SCAPER: variants seen among roughly 807,000 people sequenced by gnomAD.
The protein encoded by SCAPER is S-phase cyclin A associated protein in the ER.
A neutral mutation model predicts 182.2 loss-of-function variants in SCAPER; 98 were observed. The ratio of observed to expected loss-of-function variants is 0.54; its 90% CI spans 0.46 to 0.64. The LOEUF is 0.64. Among genes scored for constraint, SCAPER ranks in the 30% least tolerant of loss-of-function variants. The pLI, the probability that SCAPER is intolerant of heterozygous loss-of-function variation, is 0.00. For synonymous variants in SCAPER, 605 were observed against 564.6 expected, an observed-to-expected ratio of 1.07 and a Z score of -1.01; for missense variants, 1,432 against 1,690.0, an observed-to-expected ratio of 0.85 and a Z score of 2.68.
chr15:76,724,933 G>C (rs1425318246), intron 17 of SCAPER, among the ~76,000 whole-genome samples: 2 of 152,052 alleles, frequency 1.3e-5, no homozygotes, highest in African/African-American at 4.8e-5. Context: ...ACGCGTCAAA[G>C]TCATTCTCCG....
chr15:76,736,470 T>C (rs1285150715), intron 15 of SCAPER, among the ~76,000 whole-genome samples: 2 of 152,202 alleles, frequency 1.3e-5, no homozygotes, highest in Non-Finnish European at 2.9e-5. Flanking sequence ...CATAGTAGAG[T>C]TTCTTTCAAA....
At chr15:76,844,145 C>G (rs1198118938) in intron 4 of SCAPER, among the ~76,000 whole-genome samples, 2 of 151,872 alleles carry the variant, frequency 1.3e-5, no homozygotes, top group Admixed American at 1.3e-4. Flanking sequence ...CTATGTCTAA[C>G]TGCTTCCCAA....
At chr15:76,664,558 T>C (rs971294449) in intron 21 of SCAPER, among the ~76,000 whole-genome samples, 1 of 152,068 alleles carries the variant, frequency 6.6e-6, no homozygotes, top group Non-Finnish European at 1.5e-5. Context: ...ATAAAATTGG[T>C]AGTCATTGGC....
chr15:76,883,302 TAAG>T (rs1199279543), intron 2 of SCAPER, among the ~76,000 whole-genome samples: 1 of 152,196 alleles, frequency 6.6e-6, no homozygotes, highest in Non-Finnish European at 1.5e-5. Flanking sequence ...TTGAGTAGTT[TAAG>T]AAGATGTTTG....
intron 22 of SCAPER, among the ~76,000 whole-genome samples, chr15:76,583,238 C>G (rs2048386626): frequency 6.6e-6 from 1 of 151,734 alleles, no homozygotes; most frequent in African/African-American, 2.4e-5. Context: ...CTAGTCCCAG[C>G]TACTCGGGAG....
intron 23 of SCAPER, among the ~76,000 whole-genome samples, chr15:76,550,020 C>A (rs1450378171): frequency 6.6e-6 from 1 of 151,926 alleles, no homozygotes; most frequent in African/African-American, 2.4e-5. Context: ...AAGTGGCAAC[C>A]TAGAGAATGA....
intron 22 of SCAPER, among the ~76,000 whole-genome samples, chr15:76,578,517 C>T (rs1431432754): frequency 6.6e-6 from 1 of 152,168 alleles, no homozygotes; most frequent in African/African-American, 2.4e-5. Flanking sequence ...GAGAGAGAGA[C>T]TCCATTTGTT....
intron 25 of SCAPER, among the ~76,000 whole-genome samples, chr15:76,469,969 C>A (rs937042333): frequency 1.3e-5 from 2 of 151,838 alleles, no homozygotes; most frequent in African/African-American, 4.8e-5. Flanking sequence ...TATAATGTAG[C>A]CTTTGATGAC....
chr15:76,434,139 C>T lies in SCAPER; in HGVS notation c.3250G>A (p.Glu1084Lys), dbSNP rs2047039705. The T allele has an allele frequency of 6.2e-7, 1 of 1,613,932 alleles. No individual in the cohort carries two copies. The highest frequency in any genetic ancestry group is 8.5e-7 in the Non-Finnish European group (1 of 1,179,868). ...QPATPKIPTQ[E>K]MKNKPSQGDP... ...CCTTGTGAGGGTTTGTTTTTCATTT[C>T]CTGTGTTGGTATTTTTGGGGTAGCT... is the stretch of plus-strand genomic sequence containing the variant. Residue 1084 changes from glutamate to lysine, a missense_variant, in exon 26 of 32, where the codon GAA (glutamate) becomes AAA (lysine). Glu to Lys is a moderately conservative substitution (Grantham distance 56). Transcript: ENST00000563290.
At chr15:76,414,772 C>G (rs1001256949) in intron 26 of SCAPER, among the ~76,000 whole-genome samples, 1 of 152,114 alleles carries the variant, frequency 6.6e-6, no homozygotes, top group African/African-American at 2.4e-5. Flanking sequence ...TAAATGGAGA[C>G]AGATCCATAG....
intron 25 of SCAPER, among the ~76,000 whole-genome samples, chr15:76,463,355 C>G (rs2049340986): frequency 6.6e-6 from 1 of 151,906 alleles, no homozygotes; most frequent in African/African-American, 2.4e-5. Context: ...CAACAGGCAC[C>G]TGGATGGCTC....
intron 1 of SCAPER, among the ~76,000 whole-genome samples, chr15:76,890,871 A>G (rs957261918): frequency 7.2e-5 from 11 of 152,228 alleles, no homozygotes; most frequent in Non-Finnish European, 1.0e-4. Context: ...ACAAAAAAAG[A>G]GAATTTTAGA....
Position 76,717,473 on chromosome 15 carries a change from A to G in SCAPER, c.2165+11122T>C, listed in dbSNP as rs983252681. On this transcript the variant is annotated intron_variant, in intron 17 of 31. Coordinates refer to ENST00000563290, the MANE Select transcript of SCAPER (RefSeq NM_020843.4). ...ATAGTCAAAAACAACAAAAGTTACAATAAGTTTTTAAGGAATACATAATAT... is the reference window on the plus strand; with the variant it reads ...ATAGTCAAAAACAACAAAAGTTACAGTAAGTTTTTAAGGAATACATAATAT... Among the ~76,000 whole-genome samples, 12 of 152,284 alleles carry G rather than the reference A, an allele frequency of 7.9e-5. 1 individual carries two copies. In the East Asian group the frequency reaches 1.5e-3, roughly 20 times the overall value.
rs866071944 is a variant in SCAPER at position 76,518,337 on chromosome 15, G to A, written c.2839-13363C>T. ...GATACTGCTTCAGGCTTTAGAGTACGCCTTTTCCACTTGTGCCATGATAAG... is the reference window on the plus strand; with the variant it reads ...GATACTGCTTCAGGCTTTAGAGTACACCTTTTCCACTTGTGCCATGATAAG... On this transcript the variant is annotated intron_variant, in intron 23 of 31. Coordinates refer to ENST00000563290, the MANE Select transcript of SCAPER (RefSeq NM_020843.4). Among the ~76,000 whole-genome samples the A allele has an allele frequency of 1.3e-4, 20 of 152,212 alleles. No homozygotes were observed. In the Middle Eastern group the frequency reaches 0.01, roughly 78 times the overall value.
intron 26 of SCAPER, among the ~76,000 whole-genome samples, chr15:76,404,918 A>G (rs933369730): frequency 2.0e-5 from 3 of 152,072 alleles, no homozygotes; most frequent in Non-Finnish European, 4.4e-5. Context: ...ATTTTTCAAG[A>G]AAAAAATGAA....
chr15:76,541,779 T>C (rs1481271861), intron 23 of SCAPER, among the ~76,000 whole-genome samples: 2 of 152,192 alleles, frequency 1.3e-5, no homozygotes, highest in African/African-American at 4.8e-5. Flanking sequence ...CACTGCCAAA[T>C]TTATCTTCCC....
At chr15:76,840,282 T>C (rs1330939536) in intron 5 of SCAPER, among the ~76,000 whole-genome samples, 2 of 151,972 alleles carry the variant, frequency 1.3e-5, no homozygotes, top group Non-Finnish European at 2.9e-5. Flanking sequence ...TAGCCAGGCA[T>C]GGTGGCATAC....
intron 29 of SCAPER, among the ~76,000 whole-genome samples, chr15:76,372,648 T>C (rs1005585248): frequency 1.8e-4 from 28 of 152,220 alleles, no homozygotes; most frequent in African/African-American, 6.5e-4. Context: ...CGCTGAACTT[T>C]GTCCTGCAGA....
chr15:76,449,035 C>A (rs1313842538), intron 25 of SCAPER, among the ~76,000 whole-genome samples: 1 of 152,120 alleles, frequency 6.6e-6, no homozygotes, highest in Non-Finnish European at 1.5e-5. Context: ...GACAGAAGCA[C>A]ACACAGGAAT....
Sources: allele counts gnomAD v4.1 joint callset (sites outside exome capture counted in the v4.1 genomes callset), GRCh38; gene constraint gnomAD v4.1.1; transcripts MANE v1.5; gene names NCBI Gene and HGNC (gene_info 2026-07-23, HGNC 2026-07-21).